The following ZNF285 variants were observed in gnomAD, a reference collection of about 807,000 sequenced individuals.
The protein encoded by ZNF285 is zinc finger protein 285, also known as zinc finger protein 285A.
ZNF285 carries 4 observed loss-of-function variants against 6.2 expected under a neutral mutation model. That is an observed-to-expected ratio of 0.65 (90% CI 0.32 to 1.49). The LOEUF (loss-of-function observed/expected upper bound fraction) is 1.49. ZNF285 is among the 40% of genes most tolerant of loss of function. The pLI, the probability that ZNF285 is intolerant of heterozygous loss-of-function variation, is 0.07. For synonymous variants in ZNF285, 240 were observed against 245.8 expected (o/e 0.98, Z 0.22); for missense variants, 695 against 708.8 (o/e 0.98, Z 0.22).
chr19:44,397,132 G>A (rs1971294255), intron 2 of ZNF285, 67 bp downstream of exon 2: 7 of 1,609,096 alleles, frequency 4.4e-6, no homozygotes, highest in Non-Finnish European at 5.9e-6. Context: ...CCTCCTTTCA[G>A]AAAACAGAAG....
In ZNF285 at chr19:44,385,347, A is replaced by ACGT. The variant is rs1971052917; in HGVS notation, c.*1122_*1124dup. ...GTTTCTCTATTATATGAGATTTCTT[A>ACGT]CGTCGGTGGGTTATACTTTTCAGTA... is the stretch of plus-strand genomic sequence containing the variant. On this transcript the variant is annotated 3_prime_UTR_variant, in exon 4 of 4. Coordinates refer to ENST00000614994, the MANE Select transcript of ZNF285 (RefSeq NM_152354.6). The ACGT allele has an allele frequency of 6.6e-6, 1 of 152,196 alleles. No homozygotes were observed. Among genetic ancestry groups the ACGT allele is most frequent in the South Asian group, 2.1e-4 (1 of 4,824 alleles). 9.4% of individuals were successfully genotyped at this position (152,196 alleles called of 1,614,324 possible). A position where few individuals can be genotyped will look rare whatever the true frequency, so the allele number is the denominator to read the frequency against.
Position 44,386,261 on chromosome 19 carries a change from C to A in ZNF285, c.*211G>T, listed in dbSNP as rs1040716262. On this transcript the variant is annotated 3_prime_UTR_variant, in exon 4 of 4. Transcript: ENST00000614994. ...CATTTGTCAAAAGTAACCTCTTTGC[C>A]ATTGTAGCATACAGCAGTTGATGGG... 1 of 537,352 alleles carries A rather than the reference C, an allele frequency of 1.9e-6. No individual in the cohort carries two copies. Among genetic ancestry groups the A allele is most frequent in the African/African-American group, 1.9e-5 (1 of 53,084 alleles). The allele number at this position is 537,352 out of a possible 1,614,324, so 33.3% of individuals were successfully genotyped here. A position where few individuals can be genotyped will look rare whatever the true frequency, so the allele number is the denominator to read the frequency against.
chr19:44,392,087 G>T, intron 3 of ZNF285: 1 of 1,104,542 alleles, frequency 9.1e-7, no homozygotes, highest in Non-Finnish European at 1.2e-6. Context: ...GGGGAGGGAG[G>T]GCTTACTTCC....
chr19:44,395,703 G>A (rs938008231), intron 2 of ZNF285, among the ~76,000 whole-genome samples: 1 of 152,040 alleles, frequency 6.6e-6, no homozygotes, highest in Non-Finnish European at 1.5e-5. Context: ...TCCCACTAAA[G>A]GACCAGAGTG....
intron 2 of ZNF285, among the ~76,000 whole-genome samples, chr19:44,393,882 C>T (rs1414087946): frequency 1.3e-5 from 2 of 152,062 alleles, no homozygotes; most frequent in African/African-American, 4.8e-5. Context: ...ACTAGAAATA[C>T]CATTTGACCC....
intron 3 of ZNF285, chr19:44,392,123 GTA>G (rs1181071038): frequency 4.3e-6 from 6 of 1,394,610 alleles, no homozygotes; most frequent in Admixed American, 3.0e-5. Context: ...CAGGCCAGGG[GTA>G]TGAGATTTGG....
At chr19:44,397,177 G>A (rs761946026) in intron 2 of ZNF285, 22 bp downstream of exon 2, 1 of 1,613,792 alleles carries the variant, frequency 6.2e-7, no homozygotes, top group South Asian at 1.1e-5. Context: ...CATATTTAAA[G>A]AGAAAGAAAC....
intron 1 of ZNF285, among the ~76,000 whole-genome samples, chr19:44,400,761 G>T (rs1206740693): frequency 1.3e-5 from 2 of 152,042 alleles, no homozygotes; most frequent in South Asian, 2.1e-4. Context: ...ATTGTTTTTT[G>T]TAGTAGAGAC....
intron 1 of ZNF285, among the ~76,000 whole-genome samples, chr19:44,401,069 G>A (rs1971367122): frequency 1.3e-5 from 2 of 152,018 alleles, no homozygotes; most frequent in South Asian, 4.1e-4. Context: ...CAAGAACCTA[G>A]GGGTGCTGAG....
rs193168556 is a variant in ZNF285 at position 44,392,714 on chromosome 19, C to A, written c.16-248G>T. 9 of 682,682 alleles carry A rather than the reference C, an allele frequency of 1.3e-5. No individual in the cohort carries two copies. The East Asian group carries it at 2.8e-4, about 21-fold the overall frequency. The allele number at this position is 682,682 out of a possible 1,614,324, so 42.3% of individuals were successfully genotyped here. ...TTACATGGCAGAGGGAGAATGAGAG[C>A]AAGCTCTGTTGAGGCTCTCATAAGG... On this transcript the variant is annotated intron_variant, in intron 2 of 3. Coordinates refer to ENST00000614994, the MANE Select transcript of ZNF285 (RefSeq NM_152354.6).
At chr19:44,400,092 G>A (rs936530314) in intron 1 of ZNF285, among the ~76,000 whole-genome samples, 2 of 150,522 alleles carry the variant, frequency 1.3e-5, no homozygotes, top group African/African-American at 5.0e-5. Context: ...AGGCAATGGC[G>A]GCCTTTCAGG....
At chr19:44,394,439 T>C (rs1348833042) in intron 2 of ZNF285, 3 of 448,222 alleles carry the variant, frequency 6.7e-6, no homozygotes, top group Non-Finnish European at 1.2e-5. Context: ...TGAAATAACC[T>C]ATTGGGTATT....
In ZNF285 at chr19:44,386,905, T is replaced by G; in HGVS notation, c.1340A>C (p.Gln447Pro). ...TGGTTTCTCCCCTGTGTGGACTCTCTGGTGAATGTGAAGGTGTGTACATTG... is the reference window on the plus strand; with the variant it reads ...TGGTTTCTCCCCTGTGTGGACTCTCGGGTGAATGTGAAGGTGTGTACATTG... ...FSQCTHLHIHQRVHTGEKPYK... is the reference protein window; with the variant it reads ...FSQCTHLHIHPRVHTGEKPYK... Residue 447 changes from glutamine to proline, a missense_variant, in exon 4 of 4, where the codon CAG (glutamine) becomes CCG (proline). Gln to Pro is a moderately conservative substitution (Grantham distance 76, BLOSUM62 -1). Coordinates refer to ENST00000614994, the MANE Select transcript of ZNF285 (RefSeq NM_152354.6). 1 of 1,614,224 alleles carries G rather than the reference T, an allele frequency of 6.2e-7. No homozygotes were observed. Among genetic ancestry groups the G allele is most frequent in the African/African-American group, 1.3e-5 (1 of 75,068 alleles).
rs775117926 is a variant in ZNF285, at chr19:44,388,098, G to A, written c.147C>T (p.Asp49=). 52 of 1,610,986 alleles carry A rather than the reference G, an allele frequency of 3.2e-5. No individual in the cohort carries two copies. The highest frequency in any genetic ancestry group is 2.0e-4 in the South Asian group (18 of 90,692). Residue 49 remains aspartate, a synonymous_variant, in exon 4 of 4, where the codon GAC becomes GAT. Coordinates refer to ENST00000614994, the MANE Select transcript of ZNF285 (RefSeq NM_152354.6). ...GATTCAAAATGTTGTTTTTAATCCCGTCTCCTAGGAGAAGAAAGAGAATTT... is the reference window on the plus strand; with the variant it reads ...GATTCAAAATGTTGTTTTTAATCCCATCTCCTAGGAGAAGAAAGAGAATTT... ...ENFRNLMLVR[D]GIKNNILNLQ...
rs1211764830 is a variant in ZNF285, at chr19:44,387,031, C to G, written c.1214G>C (p.Cys405Ser). 2 of 1,614,174 alleles carry G rather than the reference C, an allele frequency of 1.2e-6. No individual in the cohort carries two copies. Among genetic ancestry groups the G allele is most frequent in the African/African-American group, 1.3e-5 (1 of 75,062 alleles). ...TGEKPYKCSE[C>S]GKCFSSSSVL... Reference sequence around the variant, plus strand: ...GGAGCTTGAACTAAAGCACTTGCCACACTCACTGCATTTGTAGGGCTTCTC... The same window carrying G: ...GGAGCTTGAACTAAAGCACTTGCCAGACTCACTGCATTTGTAGGGCTTCTC... The change falls in exon 4 of 4, where the codon TGT becomes TCT. Residue 405 changes from cysteine to serine, a missense_variant. Transcript: ENST00000614994.
chr19:44,386,801 T>C lies in ZNF285; in HGVS notation c.1444A>G (p.Lys482Glu). ...CCACACACTTCACATTTATATGGTT[T>C]TTCTCCAGTGTGAACTCTCTGATGA... ...HTHQRVHTGE[K>E]PYKCEVCGKC... Residue 482 changes from lysine (K) to glutamate (E), a missense_variant, in exon 4 of 4, where the codon AAA (lysine) becomes GAA (glutamate). Physicochemically the swap from Lys to Glu is moderately conservative, Grantham distance 56. Coordinates refer to ENST00000614994, the MANE Select transcript of ZNF285 (RefSeq NM_152354.6). 6.2e-7 allele frequency: 1 copy of C among 1,614,254 alleles called. No homozygotes were observed. Among genetic ancestry groups the C allele is most frequent in the Non-Finnish European group, 8.5e-7 (1 of 1,180,042 alleles).
At chr19:44,396,690 A>C (rs1971285270) in intron 2 of ZNF285, 1 of 153,386 alleles carries the variant, frequency 6.5e-6, no homozygotes, top group African/African-American at 2.4e-5. Flanking sequence ...TTGCCTAGTT[A>C]GCCCCCATAA....
intron 2 of ZNF285, among the ~76,000 whole-genome samples, chr19:44,394,024 C>T (rs1208735368): frequency 2.0e-5 from 3 of 151,960 alleles, no homozygotes; most frequent in African/African-American, 7.3e-5. Flanking sequence ...TGTCCAACAA[C>T]GATAGACTGG....
At chr19:44,401,300 G>GT (rs1444777344) in intron 1 of ZNF285, 2 of 152,478 alleles carry the variant, frequency 1.3e-5, no homozygotes, top group African/African-American at 4.8e-5. Flanking sequence ...TCGCTGTCAC[G>GT]AAACGTGAAG....
Sources: allele counts gnomAD v4.1 joint callset (sites outside exome capture counted in the v4.1 genomes callset), GRCh38; gene constraint gnomAD v4.1.1; transcripts MANE v1.5; gene names NCBI Gene and HGNC (gene_info 2026-07-23, HGNC 2026-07-21).